The following GDAP1 variants were observed in gnomAD, a reference collection of about 807,000 sequenced individuals.
GDAP1 encodes the protein ganglioside induced differentiation associated protein 1.
GDAP1 carries 34 observed loss-of-function variants against 40.1 expected under a neutral mutation model. The observed-to-expected ratio is 0.85, with a 90% confidence interval of 0.64 to 1.13. The LOEUF is 1.13. Ranked by LOEUF, GDAP1 falls within the 50% of genes most tolerant of loss-of-function variation. The probability of loss-of-function intolerance (pLI) is 0.00; values close to 1 mark genes in which losing one functional copy is unlikely to be tolerated. For missense variants in GDAP1, 374 were observed against 433.7 expected (o/e 0.86, Z 1.22); for synonymous variants, 170 against 157.4 (o/e 1.08, Z -0.60).
chr8:74,399,669 T>A (rs998133073), intron 2 of GDAP1, among the ~76,000 whole-genome samples: 3 of 132,404 alleles, frequency 2.3e-5, no homozygotes, highest in African/African-American at 1.0e-4. Context: ...TCTTTCCTTC[T>A]TTCTCTTATG....
chr8:74,401,248 G>T lies in GDAP1; in HGVS notation c.165+49927G>T, dbSNP rs539690907. On this transcript the variant is annotated intron_variant, in intron 2 of 2. Coordinates refer to the GDAP1 transcript ENST00000523640. ...CCCATATTTCTTGGAGGCTTTGTTCGTTTCTTTTCATTCTTTTTTCTCTAA... is the reference window on the plus strand; with the variant it reads ...CCCATATTTCTTGGAGGCTTTGTTCTTTTCTTTTCATTCTTTTTTCTCTAA... Among the ~76,000 whole-genome samples, 2 of 148,166 alleles carry T rather than the reference G, an allele frequency of 1.3e-5. 1 individual carries two copies. Among genetic ancestry groups the T allele is most frequent in the Admixed American group, 1.3e-4 (2 of 15,084 alleles).
rs114857090 is a variant in GDAP1, at chr8:74,393,756, A to G, written c.165+42435A>G. ...TGAAAAAAACTATTGTAAACCTTTA[A>G]GTTTTGCAATACTCAAGTGTAATTA... On this transcript the variant is annotated intron_variant, in intron 2 of 2. Coordinates refer to the GDAP1 transcript ENST00000523640. 5.6e-3 allele frequency among the ~76,000 whole-genome samples: 852 copies of G among 152,272 alleles called. 9 individuals carry two copies. The highest frequency in any genetic ancestry group is 0.019 in the African/African-American group (791 of 41,552).
intron 2 of GDAP1, among the ~76,000 whole-genome samples, chr8:74,431,307 C>G (rs945108870): frequency 2.0e-5 from 3 of 151,690 alleles, no homozygotes; most frequent in Admixed American, 6.6e-5. Flanking sequence ...GAGATATATA[C>G]TGAAGAATTT....
chr8:74,358,008 C>T (rs1809185574), intron 2 of GDAP1, among the ~76,000 whole-genome samples: 2 of 152,240 alleles, frequency 1.3e-5, no homozygotes, highest in African/African-American at 4.8e-5. Flanking sequence ...AGGATGGCAG[C>T]GCAGTGCCCC....
At chr8:74,472,705 C>CTTTCTTTTCT (rs142771587) in intron 2 of GDAP1, among the ~76,000 whole-genome samples, 2,904 of 144,552 alleles carry the variant, frequency 0.02, 73 homozygotes, top group African/African-American at 0.056. Context: ...CGATATTGAG[C>CTTTCTTTTCT]TTTCTTTTCT....
At chr8:74,418,053 G>T (rs1805807056) in intron 2 of GDAP1, among the ~76,000 whole-genome samples, 1 of 152,128 alleles carries the variant, frequency 6.6e-6, no homozygotes. Context: ...TAGATAAGTG[G>T]AGAGACAAAT....
intron 2 of GDAP1, among the ~76,000 whole-genome samples, chr8:74,359,767 C>T (rs1045762016): frequency 3.9e-5 from 6 of 152,140 alleles, no homozygotes; most frequent in African/African-American, 1.2e-4. Flanking sequence ...AGGGCTGTAA[C>T]AGAGTGTGTG....
At chr8:74,414,647 T>C (rs1334876956) in intron 2 of GDAP1, among the ~76,000 whole-genome samples, 1 of 139,866 alleles carries the variant, frequency 7.1e-6, no homozygotes, top group Admixed American at 6.9e-5. Context: ...GAAGGAAAAT[T>C]AAAAAGAAAA....
intron 2 of GDAP1, among the ~76,000 whole-genome samples, chr8:74,355,359 G>A (rs1809047330): frequency 6.6e-6 from 1 of 152,200 alleles, no homozygotes; most frequent in Admixed American, 6.5e-5. Flanking sequence ...GAAATCATTA[G>A]CAGCTTGCTA....
intron 2 of GDAP1, among the ~76,000 whole-genome samples, chr8:74,409,498 T>G (rs1805681913): frequency 6.7e-6 from 1 of 149,694 alleles, no homozygotes; most frequent in Non-Finnish European, 1.5e-5. Context: ...ATTACAGGCA[T>G]GCACCATTAC....
intron 2 of GDAP1, among the ~76,000 whole-genome samples, chr8:74,395,481 T>C (rs941938870): frequency 6.6e-6 from 1 of 152,156 alleles, no homozygotes; most frequent in Non-Finnish European, 1.5e-5. Flanking sequence ...ATCAATCCCT[T>C]TGTATAAAAG....
chr8:74,361,545 C>T (rs766310886), intron 3 of GDAP1, among the ~76,000 whole-genome samples: 2 of 152,070 alleles, frequency 1.3e-5, no homozygotes, highest in South Asian at 2.1e-4. Flanking sequence ...GACAGGCATG[C>T]GCCACCACGC....
intron 2 of GDAP1, among the ~76,000 whole-genome samples, chr8:74,484,438 A>G (rs1304203393): frequency 3.3e-5 from 5 of 152,172 alleles, no homozygotes; most frequent in Admixed American, 6.6e-5. Context: ...CTTTGTTCTA[A>G]GGATATCGGA....
intron 2 of GDAP1, among the ~76,000 whole-genome samples, chr8:74,357,340 C>T (rs188292358): frequency 1.3e-5 from 2 of 152,064 alleles, no homozygotes; most frequent in Admixed American, 1.3e-4. Flanking sequence ...GCCTTTAAGC[C>T]CCTAATTTCT....
chr8:74,364,508 CAG>C lies in GDAP1; in HGVS notation c.*142_*143del, dbSNP rs766677581. 6 of 858,980 alleles carry C rather than the reference CAG, an allele frequency of 7.0e-6. No homozygotes were observed. The highest frequency in any genetic ancestry group is 5.0e-5 in the African/African-American group (3 of 60,464). 53.2% of individuals were successfully genotyped at this position (858,980 alleles called of 1,614,324 possible). A position where few individuals can be genotyped will look rare whatever the true frequency, so the allele number is the denominator to read the frequency against. ...CAGAAGTCATCTTTGTTACACAACA[CAG>C]GGGTTCAGGTAGCAATAGGACACAA... On this transcript the variant is annotated 3_prime_UTR_variant, in exon 6 of 6. Coordinates refer to ENST00000220822, the MANE Select transcript of GDAP1 (RefSeq NM_018972.4).
At chr8:74,468,907 A>G (rs1296189907) in intron 2 of GDAP1, among the ~76,000 whole-genome samples, 1 of 152,184 alleles carries the variant, frequency 6.6e-6, no homozygotes, top group East Asian at 1.9e-4. Context: ...TCAGTTATGC[A>G]TAATGCTGAC....
intron 2 of GDAP1, among the ~76,000 whole-genome samples, chr8:74,444,063 G>GTAA (rs1201715115): frequency 5.6e-4 from 84 of 151,276 alleles, no homozygotes; most frequent in African/African-American, 2.0e-3. Context: ...TTTATATAAT[G>GTAA]TAATAGGGTA....
chr8:74,461,400 A>G (rs1056827424), intron 2 of GDAP1, among the ~76,000 whole-genome samples: 2 of 152,230 alleles, frequency 1.3e-5, no homozygotes, highest in African/African-American at 4.8e-5. Flanking sequence ...ATCAAAATTA[A>G]TCATGAAAGA....
At chr8:74,355,749 C>T (rs1809063879) in intron 2 of GDAP1, among the ~76,000 whole-genome samples, 1 of 152,026 alleles carries the variant, frequency 6.6e-6, no homozygotes, top group Non-Finnish European at 1.5e-5. Flanking sequence ...ACTCTGGTAA[C>T]CTGGAATCAA....
Sources: allele counts gnomAD v4.1 joint callset (sites outside exome capture counted in the v4.1 genomes callset), GRCh38; gene constraint gnomAD v4.1.1; transcripts MANE v1.5; gene names NCBI Gene and HGNC (gene_info 2026-07-23, HGNC 2026-07-21).